Variants in CLTCL1 observed in about 807,000 individuals in gnomAD.
CLTCL1 encodes the protein clathrin heavy chain 2.
CLTCL1 carries 159 observed loss-of-function variants against 190.0 expected under a neutral mutation model. The observed-to-expected ratio is 0.84, with a 90% CI of 0.74 to 0.95. The LOEUF (loss-of-function observed/expected upper bound fraction) is 0.95, where lower values mean the gene tolerates loss of function less well. Among genes scored for constraint, CLTCL1 ranks in the 40% least tolerant of loss-of-function variants. CLTCL1 has a pLI of 0.00. For missense variants in CLTCL1, 1,878 were observed against 2,033.4 expected (o/e 0.92, Z 1.47); for synonymous variants, 752 against 769.6 (o/e 0.98, Z 0.38).
chr22:19,203,187 C>A (rs1251452296), intron 22 of CLTCL1, among the ~76,000 whole-genome samples: 3 of 152,070 alleles, frequency 2.0e-5, no homozygotes, highest in Admixed American at 2.0e-4. Context: ...TGGTGGCGGG[C>A]GCCTGTAATC....
Position 19,224,013 on chromosome 22 carries a change from C to T in CLTCL1, c.2170G>A (p.Asp724Asn), listed in dbSNP as rs1051574498. 6.2e-7 allele frequency: 1 copy of T among 1,614,008 alleles called. No homozygotes were observed. Among genetic ancestry groups the T allele is most frequent in the African/African-American group, 1.3e-5 (1 of 75,044 alleles). ...ATGTATTTCAGATGCACATCTGGGT[C>T]TTGGCTGAAGTTCACGATTGAGCCC... ...FLGSIVNFSQDPDVHLKYIQA... is the reference protein window; with the variant it reads ...FLGSIVNFSQNPDVHLKYIQA... Residue 724 changes from aspartate (D) to asparagine (N), a missense_variant, in exon 14 of 33, where the codon GAC (aspartate) becomes AAC (asparagine). Transcript: ENST00000427926.
intron 3 of CLTCL1, among the ~76,000 whole-genome samples, chr22:19,247,503 T>C (rs1301742952): frequency 6.6e-6 from 1 of 152,244 alleles, no homozygotes; most frequent in Non-Finnish European, 1.5e-5. Flanking sequence ...ATGATTTCTT[T>C]GTAAAGAGGC....
intron 1 of CLTCL1, among the ~76,000 whole-genome samples, chr22:19,285,083 T>G (rs1475084887): frequency 1.3e-5 from 2 of 152,036 alleles, no homozygotes; most frequent in Non-Finnish European, 2.9e-5. Flanking sequence ...AGACCATCCT[T>G]GCTAACACGG....
At chr22:19,210,211 G>T in intron 20 of CLTCL1, 115 bp downstream of exon 20, 1 of 964,028 alleles carries the variant, frequency 1.0e-6, no homozygotes. Context: ...AGCACGAAGA[G>T]ATGCACTGGA....
At chr22:19,197,342 T>G (rs1173282218) in intron 24 of CLTCL1, among the ~76,000 whole-genome samples, 1 of 152,120 alleles carries the variant, frequency 6.6e-6, no homozygotes, top group Non-Finnish European at 1.5e-5. Context: ...GTGGCACACT[T>G]GTCTGCTGGC....
chr22:19,210,300 C>T lies in CLTCL1; in HGVS notation c.3249+26G>A, dbSNP rs372887665. 57 of 1,605,752 alleles carry T rather than the reference C, an allele frequency of 3.5e-5. No individual in the cohort carries two copies. The highest frequency in any genetic ancestry group is 3.3e-4 in the Middle Eastern group (2 of 6,054). On this transcript the variant is annotated intron_variant, in intron 20 of 32. Transcript: ENST00000427926. ...ATGATGTGGCAGAAGGTGCTAGGTC[C>T]GACATGCTTACACTCAGCAGCCCAC...
intron 2 of CLTCL1, among the ~76,000 whole-genome samples, chr22:19,259,228 C>T (rs2086863445): frequency 6.6e-6 from 1 of 152,120 alleles, no homozygotes; most frequent in Admixed American, 6.5e-5. Flanking sequence ...GCCTCAGCCT[C>T]TGTAGTAGTT....
At position 19,212,488 on chromosome 22, in the gene CLTCL1, G is replaced by C. The variant is rs1471186449; in HGVS notation, c.3066-1979C>G. Among the ~76,000 whole-genome samples, 3 of 151,818 alleles carry C rather than the reference G, an allele frequency of 2.0e-5. No individual in the cohort carries two copies. The East Asian group carries it at 5.8e-4, about 29-fold the overall frequency. On this transcript the variant is annotated intron_variant, in intron 19 of 32. Coordinates refer to ENST00000427926, the MANE Select transcript of CLTCL1 (RefSeq NM_007098.4). ...AGATGGGAGGACTGCTTCAGCCTAG[G>C]AGGTTGGGGCTGCAGTGAGCCGTGT... is the stretch of plus-strand genomic sequence containing the variant.
chr22:19,203,656 C>T (rs2084965635), intron 22 of CLTCL1, among the ~76,000 whole-genome samples: 1 of 152,156 alleles, frequency 6.6e-6, no homozygotes, highest in African/African-American at 2.4e-5. Flanking sequence ...CCCCCCCAGC[C>T]CCACACCCCC....
chr22:19,223,187 C>T (rs1322536558), intron 14 of CLTCL1, among the ~76,000 whole-genome samples: 1 of 152,140 alleles, frequency 6.6e-6, no homozygotes, highest in African/African-American at 2.4e-5. Context: ...GAAACACACC[C>T]GGCCACCATT....
At chr22:19,190,081 C>T (rs2084441629) in intron 27 of CLTCL1, among the ~76,000 whole-genome samples, 1 of 152,186 alleles carries the variant, frequency 6.6e-6, no homozygotes, top group African/African-American at 2.4e-5. Flanking sequence ...GCTGGGACTA[C>T]AGGTGCCTGT....
intron 4 of CLTCL1, among the ~76,000 whole-genome samples, chr22:19,240,611 G>A (rs1569212736): frequency 6.6e-6 from 1 of 152,104 alleles, no homozygotes; most frequent in Non-Finnish European, 1.5e-5. Flanking sequence ...AGGTAGTTTA[G>A]GAAAATTATC....
intron 3 of CLTCL1, chr22:19,249,995 T>G: frequency 3.0e-6 from 1 of 333,594 alleles, no homozygotes; most frequent in Non-Finnish European, 6.2e-6. Context: ...GGCTCACACC[T>G]GTAATCCCAG....
intron 4 of CLTCL1, among the ~76,000 whole-genome samples, chr22:19,240,809 C>T (rs548745345): frequency 3.9e-5 from 6 of 152,270 alleles, no homozygotes; most frequent in Admixed American, 6.5e-5. Flanking sequence ...GGTTCTTGCT[C>T]GGGAGCTGAG....
intron 29 of CLTCL1, among the ~76,000 whole-genome samples, chr22:19,185,138 C>T (rs527906312): frequency 1.3e-4 from 20 of 152,372 alleles, no homozygotes; most frequent in Admixed American, 3.9e-4. Context: ...GCAGGCTCCT[C>T]CAGTGGCAGT....
intron 2 of CLTCL1, among the ~76,000 whole-genome samples, chr22:19,268,577 TAATA>T (rs2087198338): frequency 6.6e-6 from 1 of 152,132 alleles, no homozygotes; most frequent in Non-Finnish European, 1.5e-5. Context: ...TATAAATGGT[TAATA>T]ATCATATTTA....
At chr22:19,256,984 C>G (rs2086781906) in intron 2 of CLTCL1, among the ~76,000 whole-genome samples, 1 of 152,082 alleles carries the variant, frequency 6.6e-6, no homozygotes, top group Non-Finnish European at 1.5e-5. Flanking sequence ...ACACATAGAT[C>G]AATGAAACAG....
At chr22:19,250,600 CTGGAG>C (rs2086564414) in intron 3 of CLTCL1, among the ~76,000 whole-genome samples, 2 of 152,058 alleles carry the variant, frequency 1.3e-5, no homozygotes, top group African/African-American at 4.8e-5. Context: ...GTCACCCAGG[CTGGAG>C]TGTAGTGGTG....
At chr22:19,260,687 G>A (rs539683886) in intron 2 of CLTCL1, among the ~76,000 whole-genome samples, 38 of 149,932 alleles carry the variant, frequency 2.5e-4, no homozygotes, top group South Asian at 2.5e-3. Flanking sequence ...GCTGAGGCAG[G>A]AGAATCCCTT....
Sources: allele counts gnomAD v4.1 joint callset (sites outside exome capture counted in the v4.1 genomes callset), GRCh38; gene constraint gnomAD v4.1.1; transcripts MANE v1.5; gene names NCBI Gene and HGNC (gene_info 2026-07-23, HGNC 2026-07-21).